SUGCT: variants seen among roughly 807,000 people sequenced by gnomAD.
The protein encoded by SUGCT is succinyl-CoA:glutarate-CoA transferase.
Under a neutral mutation model 55.0 loss-of-function variants are expected in SUGCT, and 41 were observed. The observed-to-expected ratio is 0.74, with a 90% CI of 0.58 to 0.97. SUGCT has a LOEUF of 0.97. Ranked by LOEUF, SUGCT falls within the 50% of genes least tolerant of loss-of-function variation. The pLI is 0.00. For synonymous variants in SUGCT, 187 were observed against 200.4 expected, an observed-to-expected ratio of 0.93 and a Z score of 0.56; for missense variants, 568 against 547.8, an observed-to-expected ratio of 1.04 and a Z score of -0.37.
At chr7:40,957,466 T>C in the SUGCT span, among the ~76,000 whole-genome samples, 1 of 99,856 alleles carries the variant, frequency 1.0e-5, no homozygotes, top group African/African-American at 4.3e-5. Flanking sequence ...TTTTTTTTTT[T>C]TTTTTTGGCT....
intron 13 of SUGCT, among the ~76,000 whole-genome samples, chr7:40,823,305 T>G (rs974287600): frequency 9.2e-5 from 14 of 152,166 alleles, no homozygotes; most frequent in African/African-American, 3.4e-4. Context: ...GTTCTGACAC[T>G]GATAAATTGT....
At chr7:40,898,483 G>GGGGGGGC in the SUGCT span, among the ~76,000 whole-genome samples, 5 of 108,368 alleles carry the variant, frequency 4.6e-5, 1 homozygote, top group South Asian at 4.8e-4. Flanking sequence ...GGGAGGTCGG[G>GGGGGGGC]GGGGGGGGGG....
chr7:40,292,784 T>C (rs73318595), intron 8 of SUGCT, among the ~76,000 whole-genome samples: 1 of 152,216 alleles, frequency 6.6e-6, no homozygotes, highest in Admixed American at 6.5e-5. Context: ...TGTAAGCCCC[T>C]GAGGGAAAAT....
In SUGCT at chr7:40,305,217, G is replaced by A. The variant is rs183999061; in HGVS notation, c.721-11543G>A. On this transcript the variant is annotated intron_variant, in intron 8 of 13. Transcript: ENST00000335693. ...GATCCACTGAACAAGGCAAATTTCAGCCTGACCTTCTCATTCTGTGGAGAT... is the reference window on the plus strand; with the variant it reads ...GATCCACTGAACAAGGCAAATTTCAACCTGACCTTCTCATTCTGTGGAGAT... Among the ~76,000 whole-genome samples the A allele has an allele frequency of 3.3e-5, 5 of 152,338 alleles. No individual in the cohort carries two copies. In the East Asian group the frequency reaches 9.6e-4, roughly 29 times the overall value.
At chr7:41,023,951 G>C in the SUGCT span, among the ~76,000 whole-genome samples, 4 of 152,102 alleles carry the variant, frequency 2.6e-5, no homozygotes, top group African/African-American at 7.2e-5. Context: ...CAAATACAAA[G>C]GTGAACTTCC....
chr7:40,578,691 A>C (rs189081390), intron 12 of SUGCT, among the ~76,000 whole-genome samples: 167 of 152,326 alleles, frequency 1.1e-3, no homozygotes, highest in African/African-American at 3.6e-3. Flanking sequence ...GGTAGTCTTC[A>C]ACTCAGGCGA....
At chr7:40,749,954 CTTGGCTTT>C (rs1387014082) in intron 13 of SUGCT, among the ~76,000 whole-genome samples, 2 of 152,196 alleles carry the variant, frequency 1.3e-5, no homozygotes, top group Non-Finnish European at 2.9e-5. Flanking sequence ...AGGTGTGGAT[CTTGGCTTT>C]ACAGAACAAG....
At chr7:40,590,400 A>G (rs1286872956) in intron 12 of SUGCT, among the ~76,000 whole-genome samples, 1 of 152,248 alleles carries the variant, frequency 6.6e-6, no homozygotes, top group Non-Finnish European at 1.5e-5. Context: ...GAAAGCCAGT[A>G]TGGGCCAAAA....
At chr7:40,470,372 T>A (rs1790342978) in intron 11 of SUGCT, among the ~76,000 whole-genome samples, 1 of 152,110 alleles carries the variant, frequency 6.6e-6, no homozygotes, top group South Asian at 2.1e-4. Flanking sequence ...AACTGATGTT[T>A]CTAGTAAGGG....
chr7:41,033,597 G>A, the SUGCT span, among the ~76,000 whole-genome samples: 8 of 152,152 alleles, frequency 5.3e-5, no homozygotes, highest in African/African-American at 1.9e-4. Flanking sequence ...TTTACAGTCT[G>A]GAGGGAGGGG....
intron 13 of SUGCT, among the ~76,000 whole-genome samples, chr7:40,828,964 C>T (rs1792508538): frequency 1.3e-5 from 2 of 152,118 alleles, no homozygotes; most frequent in African/African-American, 2.4e-5. Context: ...ACCAGCAGGA[C>T]TTATATTCCG....
intron 12 of SUGCT, among the ~76,000 whole-genome samples, chr7:40,737,481 G>A (rs1323450975): frequency 6.6e-6 from 1 of 151,926 alleles, no homozygotes; most frequent in African/African-American, 2.4e-5. Context: ...TCAGTTATTA[G>A]GATATGAATA....
Position 40,209,219 on chromosome 7 carries a change from C to T in SUGCT, c.484+14159C>T, listed in dbSNP as rs934850705. Among the ~76,000 whole-genome samples the T allele has an allele frequency of 4.6e-5, 7 of 152,182 alleles. No homozygotes were observed. In the East Asian group the frequency reaches 5.8e-4, roughly 13 times the overall value. ...TTACTTCAAAATAAGAATAAAGGGC[C>T]GGATGCGGTGGCGTGACTCATGCCT... On this transcript the variant is annotated intron_variant, in intron 6 of 13. Transcript: ENST00000335693.
intron 11 of SUGCT, among the ~76,000 whole-genome samples, chr7:40,493,204 C>G (rs1791789093): frequency 6.6e-6 from 1 of 152,114 alleles, no homozygotes; most frequent in Non-Finnish European, 1.5e-5. Context: ...ACTCTAAAAG[C>G]TGAATGAATT....
chr7:40,929,933 C>T, the SUGCT span, among the ~76,000 whole-genome samples: 1 of 152,236 alleles, frequency 6.6e-6, no homozygotes, highest in Non-Finnish European at 1.5e-5. Context: ...AATTAGATCC[C>T]ATTTGTCAAT....
At position 40,577,163 on chromosome 7, in the gene SUGCT, G is replaced by A. The variant is rs898499978; in HGVS notation, c.1089+80777G>A. 6.6e-5 allele frequency among the ~76,000 whole-genome samples: 10 copies of A among 152,174 alleles called. No individual in the cohort carries two copies. The South Asian group carries it at 8.3e-4, about 13-fold the overall frequency. ...TTTTAAGCTTTCTCAGATTCATTGC[G>A]TAGCTGGATCCTCAGAGAGGCAGGT... On this transcript the variant is annotated intron_variant, in intron 12 of 13. Transcript: ENST00000335693.
At chr7:40,861,004 G>T (rs891310926), downstream of SUGCT, among the ~76,000 whole-genome samples, 9 of 152,154 alleles carry the variant, frequency 5.9e-5, no homozygotes, top group Non-Finnish European at 1.3e-4. Flanking sequence ...TGAACCCTTT[G>T]TTAGTCTCTA....
chr7:40,643,008 A>G (rs1800338200), intron 12 of SUGCT, among the ~76,000 whole-genome samples: 1 of 149,050 alleles, frequency 6.7e-6, no homozygotes, highest in Non-Finnish European at 1.5e-5. Flanking sequence ...AGGTGACTGG[A>G]AGCTCCATTA....
chr7:40,203,319 T>G (rs947589047), intron 6 of SUGCT, among the ~76,000 whole-genome samples: 5 of 152,180 alleles, frequency 3.3e-5, no homozygotes, highest in South Asian at 2.1e-4. Flanking sequence ...GGACATTTTT[T>G]GGGGGTTTGA....
Sources: allele counts gnomAD v4.1 joint callset (sites outside exome capture counted in the v4.1 genomes callset), GRCh38; gene constraint gnomAD v4.1.1; transcripts MANE v1.5; gene names NCBI Gene and HGNC (gene_info 2026-07-23, HGNC 2026-07-21).